The following CACNA2D3 variants were observed in gnomAD, a reference collection of about 807,000 sequenced individuals.
The protein encoded by CACNA2D3 is voltage-dependent calcium channel subunit alpha-2/delta-3.
A neutral mutation model predicts 160.6 loss-of-function variants in CACNA2D3; 60 were observed. The ratio of observed to expected loss-of-function variants is 0.37; its 90% CI spans 0.30 to 0.46. The LOEUF is 0.46. CACNA2D3 is among the 20% of genes least tolerant of loss of function. The probability of loss-of-function intolerance (pLI) is 1.00; values close to 1 mark genes in which losing one functional copy is unlikely to be tolerated. For missense variants in CACNA2D3, 1,205 were observed against 1,365.0 expected, an observed-to-expected ratio of 0.88 and a Z score of 1.85; for synonymous variants, 558 against 492.9, an observed-to-expected ratio of 1.13 and a Z score of -1.75.
intron 5 of CACNA2D3, among the ~76,000 whole-genome samples, chr3:54,558,018 G>T (rs376846141): frequency 6.6e-6 from 1 of 152,234 alleles, no homozygotes; most frequent in Non-Finnish European, 1.5e-5. Context: ...CTCTAGAGCT[G>T]TGTAGGTGGA....
At chr3:54,334,561 G>T (rs762295025) in intron 3 of CACNA2D3, among the ~76,000 whole-genome samples, 4 of 152,128 alleles carry the variant, frequency 2.6e-5, no homozygotes, top group Non-Finnish European at 4.4e-5. Flanking sequence ...CAGTTTTCTT[G>T]TCTGTGAAAT....
chr3:54,323,043 C>A (rs75102450), intron 3 of CACNA2D3, among the ~76,000 whole-genome samples: 1 of 152,152 alleles, frequency 6.6e-6, no homozygotes, highest in East Asian at 1.9e-4. Context: ...GATTTCCCCA[C>A]GCCCGTCTTT....
At chr3:54,521,216 T>C (rs1264075043) in intron 5 of CACNA2D3, among the ~76,000 whole-genome samples, 1 of 152,200 alleles carries the variant, frequency 6.6e-6, no homozygotes, top group African/African-American at 2.4e-5. Flanking sequence ...TCACCAGTAA[T>C]GTATGTAGGT....
chr3:55,028,593 G>C (rs939167185), intron 35 of CACNA2D3, among the ~76,000 whole-genome samples: 6 of 152,128 alleles, frequency 3.9e-5, no homozygotes, highest in Non-Finnish European at 7.4e-5. Context: ...TGCCAAGAAA[G>C]AGATTCACAA....
chr3:54,166,716 G>A (rs754648597), intron 2 of CACNA2D3, among the ~76,000 whole-genome samples: 65 of 152,138 alleles, frequency 4.3e-4, no homozygotes, highest in Non-Finnish European at 8.4e-4. Context: ...AAAGTTTGTT[G>A]CACTTATCAG....
At chr3:54,384,669 G>T (rs1171944705) in intron 3 of CACNA2D3, among the ~76,000 whole-genome samples, 1 of 151,774 alleles carries the variant, frequency 6.6e-6, no homozygotes, top group African/African-American at 2.4e-5. Context: ...TTTTTTTTCT[G>T]TAAAGAATTT....
chr3:54,559,829 G>A (rs1434679559), intron 5 of CACNA2D3, among the ~76,000 whole-genome samples: 1 of 152,162 alleles, frequency 6.6e-6, no homozygotes, highest in African/African-American at 2.4e-5. Flanking sequence ...CACTTAATAA[G>A]TGAGAACAAG....
intron 3 of CACNA2D3, among the ~76,000 whole-genome samples, chr3:54,350,580 A>G (rs138633316): frequency 6.6e-6 from 1 of 152,330 alleles, no homozygotes; most frequent in East Asian, 1.9e-4. Context: ...TCACACTTTC[A>G]CATTTTGTGC....
At chr3:54,705,776 G>T (rs564249488) in intron 11 of CACNA2D3, among the ~76,000 whole-genome samples, 1 of 152,142 alleles carries the variant, frequency 6.6e-6, no homozygotes, top group African/African-American at 2.4e-5. Flanking sequence ...TTCAAATAAT[G>T]TGCTGATCCT....
intron 13 of CACNA2D3, among the ~76,000 whole-genome samples, chr3:54,796,257 AG>A (rs1702864010): frequency 6.6e-6 from 1 of 152,178 alleles, no homozygotes; most frequent in Non-Finnish European, 1.5e-5. Context: ...CAGGCTTTGG[AG>A]TCAGTCTCAG....
rs572426486 is a variant in CACNA2D3 at position 54,890,510 on chromosome 3, A to G, written c.2151-845A>G. On this transcript the variant is annotated intron_variant, in intron 24 of 37. Coordinates refer to ENST00000474759, the MANE Select transcript of CACNA2D3 (RefSeq NM_018398.3). ...GACTCCGTCTCAAAAAAAAAAAAAA[A>G]AAAAGAAAAAGAAAGAAAAAAAATA... Among the ~76,000 whole-genome samples the G allele has an allele frequency of 1.2e-4, 18 of 150,702 alleles. No individual in the cohort carries two copies. The South Asian group carries it at 1.5e-3, about 12-fold the overall frequency.
Position 54,336,980 on chromosome 3 carries a change from T to C in CACNA2D3, c.321+16422T>C, listed in dbSNP as rs150262575. On this transcript the variant is annotated intron_variant, in intron 3 of 37. Transcript: ENST00000474759. Reference sequence around the variant, plus strand: ...GTAGAGGTCAGGGCTGAAGGAGATATAAATCAAGATGGGGCCTTGCATGGA... The same window carrying C: ...GTAGAGGTCAGGGCTGAAGGAGATACAAATCAAGATGGGGCCTTGCATGGA... Among the ~76,000 whole-genome samples, 375 of 152,174 alleles carry C rather than the reference T, an allele frequency of 2.5e-3. 4 individuals carry two copies. The highest frequency in any genetic ancestry group is 8.5e-3 in the African/African-American group (353 of 41,506).
chr3:54,616,777 G>T (rs766675909), intron 9 of CACNA2D3, among the ~76,000 whole-genome samples: 13 of 152,182 alleles, frequency 8.5e-5, no homozygotes, highest in Non-Finnish European at 1.9e-4. Context: ...TTTATTAGCT[G>T]TGAGACCTAG....
chr3:54,987,815 C>A, intron 31 of CACNA2D3, 62 bp downstream of exon 31: 3 of 1,280,350 alleles, frequency 2.3e-6, no homozygotes, highest in Non-Finnish European at 3.2e-6. Flanking sequence ...ATAAAACAAG[C>A]CAAGGTCAAA....
intron 29 of CACNA2D3, among the ~76,000 whole-genome samples, chr3:54,975,521 C>CAA (rs55819960): frequency 1.5e-3 from 118 of 77,742 alleles, no homozygotes; most frequent in Non-Finnish European, 1.7e-3. Context: ...ACTTGGTCTC[C>CAA]AAAAAAAAAA....
chr3:54,185,377 C>T (rs1410119064), intron 2 of CACNA2D3, among the ~76,000 whole-genome samples: 1 of 152,058 alleles, frequency 6.6e-6, no homozygotes, highest in Non-Finnish European at 1.5e-5. Context: ...CAAGTATTTG[C>T]ACATTAAGGG....
chr3:55,033,586 ATATATAT>A (rs1443946101), intron 35 of CACNA2D3, among the ~76,000 whole-genome samples: 3,717 of 40,922 alleles, frequency 0.091, 176 homozygotes, highest in African/African-American at 0.21. Flanking sequence ...GTGTGTGTGT[ATATATAT>A]ATATATATAT....
chr3:54,243,261 G>T (rs1485097791), intron 2 of CACNA2D3, among the ~76,000 whole-genome samples: 1 of 152,192 alleles, frequency 6.6e-6, no homozygotes, highest in Non-Finnish European at 1.5e-5. Context: ...CGATTGCGTG[G>T]GCTGTCAAAT....
chr3:54,229,134 T>G (rs1701724446), intron 2 of CACNA2D3, among the ~76,000 whole-genome samples: 1 of 152,230 alleles, frequency 6.6e-6, no homozygotes, highest in Non-Finnish European at 1.5e-5. Flanking sequence ...TTTTCCTTGA[T>G]CTTTGTAAGG....
Sources: allele counts gnomAD v4.1 joint callset (sites outside exome capture counted in the v4.1 genomes callset), GRCh38; gene constraint gnomAD v4.1.1; transcripts MANE v1.5; gene names NCBI Gene and HGNC (gene_info 2026-07-23, HGNC 2026-07-21).